Variants in TRIM9 observed in about 807,000 individuals in gnomAD.
The protein encoded by TRIM9 is tripartite motif containing 9, also known as E3 ubiquitin-protein ligase TRIM9.
Under a neutral mutation model 78.3 loss-of-function variants are expected in TRIM9, and 26 were observed. The observed-to-expected ratio is 0.33, with a 90% CI of 0.24 to 0.46. TRIM9 has a LOEUF of 0.46. Ranked by LOEUF, TRIM9 falls within the 20% of genes least tolerant of loss-of-function variation. The probability of loss-of-function intolerance (pLI) is 1.00; values close to 1 mark genes in which losing one functional copy is unlikely to be tolerated. For synonymous variants in TRIM9, 398 were observed against 416.5 expected (o/e 0.96, Z 0.54); for missense variants, 787 against 1,036.4 (o/e 0.76, Z 3.30).
At chr14:51,085,526 C>T (rs2063673419) in intron 1 of TRIM9, among the ~76,000 whole-genome samples, 1 of 152,230 alleles carries the variant, frequency 6.6e-6, no homozygotes, top group South Asian at 2.1e-4. Flanking sequence ...AAAGGTGGAT[C>T]AGCTTTCTAT....
chr14:50,979,455 C>G lies in TRIM9; in HGVS notation c.2257G>C (p.Gly753Arg). Residue 753 changes from glycine (G) to arginine (R), a missense_variant, in exon 12 of 13, where the codon GGT becomes CGT. Gly to Arg is a moderately radical substitution (Grantham distance 125, BLOSUM62 -2). Around this residue, in one of 3 missense-constraint regions of TRIM9, gnomAD observed 421 missense variants for 514.3 expected, o/e 0.82. Coordinates refer to ENST00000684578, the MANE Select transcript of TRIM9 (RefSeq NM_001387360.1). ...TCCACGTTATCAAATGCTATGGGAC[C>G]TTGTTGTTCATCGTTGATAAAAAAT... ...LTFFINDEQQ[G>R]PIAFDNVEGL... 4 of 1,614,184 alleles carry G rather than the reference C, an allele frequency of 2.5e-6. No homozygotes were observed. Among genetic ancestry groups the G allele is most frequent in the Non-Finnish European group, 3.4e-6 (4 of 1,180,040 alleles).
At chr14:51,078,596 A>G (rs2063017024) in intron 1 of TRIM9, among the ~76,000 whole-genome samples, 1 of 152,248 alleles carries the variant, frequency 6.6e-6, no homozygotes, top group Non-Finnish European at 1.5e-5. Context: ...TGCTACGTGA[A>G]GTAAGCCAGA....
chr14:50,997,203 C>T, intron 7 of TRIM9: 1 of 985,352 alleles, frequency 1.0e-6, no homozygotes, highest in Admixed American at 6.1e-5. Context: ...ATGTGTCTTG[C>T]TTACTCTTAA....
chr14:51,086,250 A>C (rs542812325), intron 1 of TRIM9, among the ~76,000 whole-genome samples: 36 of 152,306 alleles, frequency 2.4e-4, no homozygotes, highest in Admixed American at 1.3e-3. Flanking sequence ...CCAGGATTCA[A>C]ACTCTGACCC....
intron 1 of TRIM9, among the ~76,000 whole-genome samples, chr14:51,073,352 T>A (rs2062463445): frequency 6.6e-6 from 1 of 152,236 alleles, no homozygotes; most frequent in African/African-American, 2.4e-5. Flanking sequence ...GGTGCTATAA[T>A]GTTTATAGCT....
At chr14:51,074,271 G>A (rs973465350) in intron 1 of TRIM9, among the ~76,000 whole-genome samples, 2 of 151,788 alleles carry the variant, frequency 1.3e-5, no homozygotes, top group Non-Finnish European at 2.9e-5. Context: ...AAAAGTAATG[G>A]AAAAAAATTC....
At chr14:51,071,970 G>A (rs77090346) in intron 1 of TRIM9, among the ~76,000 whole-genome samples, 17,706 of 152,204 alleles carry the variant, frequency 0.12, 1,679 homozygotes, top group African/African-American at 0.27. Flanking sequence ...ACTCAGCAGC[G>A]TGAGGGAGCA....
rs369652663 is a variant in TRIM9 at position 51,015,505 on chromosome 14, C to CTTTTTTTTTTTTTTTTTTTTTTT, written c.1042-5034_1042-5012dup. Among the ~76,000 whole-genome samples the CTTTTTTTTTTTTTTTTTTTTTTT allele has an allele frequency of 1.1e-4, 7 of 61,330 alleles. 2 individuals are homozygous for CTTTTTTTTTTTTTTTTTTTTTTT. Among genetic ancestry groups the CTTTTTTTTTTTTTTTTTTTTTTT allele is most frequent in the African/African-American group, 3.4e-4 (5 of 14,654 alleles). The allele number at this position is 61,330 out of a possible 152,430, so 40.2% of individuals were successfully genotyped here. ...AATGCTTTTTTCTTTCTTTACTTTT[C>CTTTTTTTTTTTTTTTTTTTTTTT]TTTTTTTTTTTTTTTTTTTTTTTTT... On this transcript the variant is annotated intron_variant, in intron 3 of 12. Coordinates refer to ENST00000684578, the MANE Select transcript of TRIM9 (RefSeq NM_001387360.1).
intron 1 of TRIM9, among the ~76,000 whole-genome samples, chr14:51,034,503 C>T (rs1442458127): frequency 6.6e-6 from 1 of 152,170 alleles, no homozygotes; most frequent in African/African-American, 2.4e-5. Context: ...TCATCACCTT[C>T]AGCAGGAGTG....
chr14:51,066,019 A>C lies in TRIM9; in HGVS notation c.822+28099T>G, dbSNP rs1211427253. On this transcript the variant is annotated intron_variant, in intron 1 of 12. Coordinates refer to ENST00000684578, the MANE Select transcript of TRIM9 (RefSeq NM_001387360.1). ...TCTTTATCACTTACTGATTATTTTC[A>C]TTGGCGTGCAAGCAGGCCTGAGCAT... 4.0e-5 allele frequency among the ~76,000 whole-genome samples: 6 copies of C among 148,302 alleles called. No individual in the cohort carries two copies. In the Admixed American group the frequency reaches 4.1e-4, roughly 10 times the overall value.
intron 1 of TRIM9, among the ~76,000 whole-genome samples, chr14:51,031,347 C>G (rs1273604544): frequency 6.6e-6 from 1 of 152,042 alleles, no homozygotes; most frequent in Non-Finnish European, 1.5e-5. Context: ...CTTAAGGTAC[C>G]TGTCTGAGAA....
intron 1 of TRIM9, among the ~76,000 whole-genome samples, chr14:51,053,329 A>G (rs993500123): frequency 2.6e-5 from 4 of 151,830 alleles, no homozygotes; most frequent in African/African-American, 7.2e-5. Context: ...AGGTCCTCCC[A>G]CAGTATTTAT....
intron 1 of TRIM9, among the ~76,000 whole-genome samples, chr14:51,049,356 G>A (rs1230624415): frequency 1.3e-5 from 2 of 152,168 alleles, no homozygotes; most frequent in Non-Finnish European, 2.9e-5. Flanking sequence ...ATGCTTCTTA[G>A]CAGTTAGGGT....
chr14:51,035,607 G>C (rs1239622248), intron 1 of TRIM9, among the ~76,000 whole-genome samples: 1 of 152,178 alleles, frequency 6.6e-6, no homozygotes, highest in African/African-American at 2.4e-5. Context: ...TCAGACAAAG[G>C]AGAACGCTAT....
At chr14:51,085,164 G>A (rs1035348476) in intron 1 of TRIM9, among the ~76,000 whole-genome samples, 1 of 152,158 alleles carries the variant, frequency 6.6e-6, no homozygotes, top group Non-Finnish European at 1.5e-5. Context: ...AGTGCAGGCT[G>A]CAAGCAAAGT....
chr14:50,996,527 T>G, intron 7 of TRIM9: 3 of 985,432 alleles, frequency 3.0e-6, no homozygotes, highest in Non-Finnish European at 3.6e-6. Context: ...ATAACACATA[T>G]TAGCAACATT....
At chr14:51,028,513 T>C (rs2058452527) in intron 1 of TRIM9, among the ~76,000 whole-genome samples, 1 of 152,258 alleles carries the variant, frequency 6.6e-6, no homozygotes, top group African/African-American at 2.4e-5. Flanking sequence ...AACAAAGATG[T>C]TCTGCATTCA....
chr14:51,031,147 C>CAAGAA (rs1486096980), intron 1 of TRIM9, among the ~76,000 whole-genome samples: 3 of 100,768 alleles, frequency 3.0e-5, no homozygotes, highest in Non-Finnish European at 5.7e-5. Context: ...AAACTCTTTC[C>CAAGAA]AAAAAAAAAA....
At chr14:51,079,625 C>G (rs1021201451) in intron 1 of TRIM9, among the ~76,000 whole-genome samples, 32 of 152,308 alleles carry the variant, frequency 2.1e-4, no homozygotes, top group Admixed American at 3.3e-4. Context: ...AGAGCCAGCC[C>G]TAAAGCTGCT....
Sources: allele counts gnomAD v4.1 joint callset (sites outside exome capture counted in the v4.1 genomes callset), GRCh38; gene constraint gnomAD v4.1.1; regional missense constraint gnomAD v4.1.1; transcripts MANE v1.5; gene names NCBI Gene and HGNC (gene_info 2026-07-23, HGNC 2026-07-21).